Variants in DCLK2 observed in about 807,000 individuals in gnomAD.
DCLK2 encodes the protein serine/threonine-protein kinase DCLK2.
Under a neutral mutation model 78.4 loss-of-function variants are expected in DCLK2, and 31 were observed. The observed-to-expected ratio is 0.40, with a 90% CI of 0.30 to 0.53. DCLK2 has a LOEUF of 0.53. DCLK2 is among the 20% of genes least tolerant of loss of function. The pLI is 0.61. For missense variants in DCLK2, 872 were observed against 973.7 expected, an observed-to-expected ratio of 0.90 and a Z score of 1.39; for synonymous variants, 407 against 374.9, an observed-to-expected ratio of 1.09 and a Z score of -0.99.
At chr4:150,249,801 A>G (rs906516414) in intron 15 of DCLK2, 117 bp downstream of exon 15, 8 of 829,790 alleles carry the variant, frequency 9.6e-6, no homozygotes, top group South Asian at 1.4e-5. Context: ...CCTATTTCAT[A>G]TGAAGATTGG....
rs1454035697 is a variant in DCLK2, at chr4:150,175,011, A to AAAAAATATATATATAT, written c.757-18126_757-18125insAAAATATATATATATA. On this transcript the variant is annotated intron_variant, in intron 2 of 15. Coordinates refer to ENST00000296550, the MANE Select transcript of DCLK2 (RefSeq NM_001040260.4). ...AGACTCCGTCGCAAAAAAAAAAAAA[A>AAAAAATATATATATAT]ATATATATATATATATATATATTTA... 1.2e-3 allele frequency among the ~76,000 whole-genome samples: 12 copies of AAAAAATATATATATAT among 9,976 alleles called. 3 individuals are homozygous for AAAAAATATATATATAT. Among genetic ancestry groups the AAAAAATATATATATAT allele is most frequent in the East Asian group, 3.0e-3 (2 of 660 alleles). The allele number at this position is 9,976 out of a possible 152,430, so 6.5% of individuals were successfully genotyped here.
At chr4:150,208,980 T>A (rs532651345) in intron 5 of DCLK2, among the ~76,000 whole-genome samples, 1 of 152,300 alleles carries the variant, frequency 6.6e-6, no homozygotes, top group East Asian at 1.9e-4. Flanking sequence ...GTGGTGGGCC[T>A]GTGATGGAAG....
At chr4:150,217,976 T>A (rs1740853095) in intron 5 of DCLK2, among the ~76,000 whole-genome samples, 2 of 152,228 alleles carry the variant, frequency 1.3e-5, no homozygotes, top group African/African-American at 2.4e-5. Flanking sequence ...TGGTGTTTAG[T>A]GGAGGCTTTG....
chr4:150,181,054 T>C (rs1483814854), intron 2 of DCLK2, among the ~76,000 whole-genome samples: 1 of 152,198 alleles, frequency 6.6e-6, no homozygotes, highest in Non-Finnish European at 1.5e-5. Flanking sequence ...TCACAGTCTT[T>C]GTCCAATTAT....
rs1405716632 is a variant in DCLK2 at position 150,198,908 on chromosome 4, G to GCCC, written c.961+806_961+807insCCC. 604 of 496,416 alleles carry GCCC rather than the reference G, an allele frequency of 1.2e-3. 5 individuals carry two copies. Among genetic ancestry groups the GCCC allele is most frequent in the African/African-American group, 4.7e-3 (146 of 31,312 alleles). The allele number at this position is 496,416 out of a possible 1,614,324, so 30.8% of individuals were successfully genotyped here. A position where few individuals can be genotyped will look rare whatever the true frequency, so the allele number is the denominator to read the frequency against. The stretch of plus-strand genomic sequence containing the variant: ...CCACTATTCGCCCTTTCCCCTTTCA[G>GCCC]CACCCCCCCCCCCACTTTCTGTAGG... On this transcript the variant is annotated intron_variant, in intron 4 of 15. Coordinates refer to ENST00000296550, the MANE Select transcript of DCLK2 (RefSeq NM_001040260.4).
intron 5 of DCLK2, among the ~76,000 whole-genome samples, chr4:150,212,359 G>A (rs964897176): frequency 9.2e-5 from 14 of 152,200 alleles, no homozygotes; most frequent in Non-Finnish European, 1.2e-4. Context: ...TCGACCTTCT[G>A]AACTTGAACA....
intron 10 of DCLK2, 107 bp downstream of exon 10, chr4:150,232,935 A>G: frequency 7.3e-7 from 1 of 1,377,816 alleles, no homozygotes; most frequent in Non-Finnish European, 9.8e-7. Context: ...ACATTATGAG[A>G]CTTTAAATTT....
chr4:150,087,037 T>C (rs1012639978), intron 1 of DCLK2, among the ~76,000 whole-genome samples: 1 of 152,226 alleles, frequency 6.6e-6, no homozygotes, highest in Admixed American at 6.5e-5. Context: ...AATCAAGAGC[T>C]TAAATGAATA....
At chr4:150,102,945 G>A (rs1730989371) in intron 2 of DCLK2, 133 bp downstream of exon 2, 2 of 786,710 alleles carry the variant, frequency 2.5e-6, no homozygotes, top group East Asian at 2.7e-5. Flanking sequence ...GATTGTGTGT[G>A]TGTGTGTATG....
At chr4:150,115,534 GT>G (rs1288398327) in intron 2 of DCLK2, among the ~76,000 whole-genome samples, 8 of 150,640 alleles carry the variant, frequency 5.3e-5, no homozygotes, top group East Asian at 1.9e-4. Context: ...TTTTTGTGGG[GT>G]TTTTTTTTCC....
At chr4:150,115,593 G>T (rs543096197) in intron 2 of DCLK2, among the ~76,000 whole-genome samples, 1 of 151,940 alleles carries the variant, frequency 6.6e-6, no homozygotes, top group Non-Finnish European at 1.5e-5. Flanking sequence ...TTGGCTCTTG[G>T]TTCTTTCAGG....
At chr4:150,172,607 C>CAAAAAA (rs34267089) in intron 2 of DCLK2, among the ~76,000 whole-genome samples, 7 of 70,150 alleles carry the variant, frequency 1.0e-4, no homozygotes, top group East Asian at 4.2e-4. Flanking sequence ...GACTCCGTCT[C>CAAAAAA]AAAAAAAAAA....
intron 15 of DCLK2, among the ~76,000 whole-genome samples, chr4:150,255,127 T>C (rs956190000): frequency 2.6e-5 from 4 of 152,232 alleles, no homozygotes; most frequent in African/African-American, 9.6e-5. Context: ...CTTTTTTTGT[T>C]GTTGTTAAAG....
At chr4:150,120,032 G>A (rs1163468372) in intron 2 of DCLK2, among the ~76,000 whole-genome samples, 2 of 152,124 alleles carry the variant, frequency 1.3e-5, no homozygotes, top group African/African-American at 4.8e-5. Context: ...ATGAATGCCT[G>A]CTGATAGCAA....
chr4:150,181,572 GTTATTA>G (rs1737522906), intron 2 of DCLK2, among the ~76,000 whole-genome samples: 1 of 151,474 alleles, frequency 6.6e-6, no homozygotes, highest in African/African-American at 2.4e-5. Context: ...CTGGTGAATA[GTTATTA>G]TTATGAGAAG....
chr4:150,222,078 A>G (rs1560884387), intron 7 of DCLK2, among the ~76,000 whole-genome samples: 1 of 151,976 alleles, frequency 6.6e-6, no homozygotes, highest in Non-Finnish European at 1.5e-5. Flanking sequence ...TGCAGCCTCA[A>G]TCTGCAGGGT....
intron 2 of DCLK2, among the ~76,000 whole-genome samples, chr4:150,150,177 A>G (rs775982637): frequency 6.6e-6 from 1 of 152,226 alleles, no homozygotes; most frequent in Non-Finnish European, 1.5e-5. Flanking sequence ...TATTCTTGCC[A>G]TTTCAGAAAG....
Position 150,115,848 on chromosome 4 carries a change from A to G in DCLK2, c.756+13036A>G, listed in dbSNP as rs537313770. 8.5e-5 allele frequency among the ~76,000 whole-genome samples: 13 copies of G among 152,338 alleles called. No individual in the cohort carries two copies. In the South Asian group the frequency reaches 2.7e-3, roughly 32 times the overall value. Reference sequence around the variant, plus strand: ...CTTCAGGCCAGTAGGGGAAGTATCCATGGTTAAAAACCGGTCATGGCTAAA... The same window carrying G: ...CTTCAGGCCAGTAGGGGAAGTATCCGTGGTTAAAAACCGGTCATGGCTAAA... On this transcript the variant is annotated intron_variant, in intron 2 of 15. Coordinates refer to ENST00000296550, the MANE Select transcript of DCLK2 (RefSeq NM_001040260.4).
intron 1 of DCLK2, among the ~76,000 whole-genome samples, chr4:150,095,062 TG>T (rs1188132992): frequency 6.6e-6 from 1 of 152,348 alleles, no homozygotes; most frequent in East Asian, 1.9e-4. Context: ...ATTAATATAT[TG>T]TAAGCTCAGT....
Sources: gnomAD v4.1 joint callset for allele counts (sites outside exome capture counted in the v4.1 genomes callset) on GRCh38, gnomAD v4.1.1 for gene constraint, MANE v1.5 for transcripts, NCBI Gene and HGNC (gene_info 2026-07-23, HGNC 2026-07-21) for gene names.